Variants in ZFHX3 observed in about 807,000 individuals in gnomAD.
ZFHX3 encodes the protein zinc finger homeobox 3.
A neutral mutation model predicts 279.1 loss-of-function variants in ZFHX3; 42 were observed. That is an observed-to-expected ratio of 0.15 (90% CI 0.12 to 0.19). The LOEUF (loss-of-function observed/expected upper bound fraction) is 0.19, where lower values mean the gene tolerates loss of function less well. Among genes scored for constraint, ZFHX3 ranks in the 10% least tolerant of loss-of-function variants. The probability of loss-of-function intolerance (pLI) is 1.00; values close to 1 mark genes in which losing one functional copy is unlikely to be tolerated. For missense variants in ZFHX3, 4,981 were observed against 4,754.0 expected (o/e 1.05, Z -1.40); for synonymous variants, 2,293 against 1,957.8 (o/e 1.17, Z -4.52).
intron 4 of ZFHX3, among the ~76,000 whole-genome samples, chr16:72,841,677 TG>T (rs2037349216): frequency 6.6e-6 from 1 of 152,222 alleles, no homozygotes; most frequent in African/African-American, 2.4e-5. Flanking sequence ...TAAACTGCCC[TG>T]TAGACTCAGC....
intron 1 of ZFHX3, among the ~76,000 whole-genome samples, chr16:72,968,460 CT>C (rs56294114): frequency 0.38 from 47,153 of 122,866 alleles, 6,743 homozygotes; most frequent in South Asian, 0.46. Context: ...TGTTAATTTC[CT>C]TTTTTTTTTT....
At chr16:73,566,644 C>G (rs1049970008) in intron 2 of ZFHX3, among the ~76,000 whole-genome samples, 17 of 151,460 alleles carry the variant, frequency 1.1e-4, no homozygotes, top group Admixed American at 9.2e-4. Context: ...CCTCAGCTTC[C>G]TGAGTAGCTG....
chr16:72,921,448 C>G (rs1374555409), intron 3 of ZFHX3, among the ~76,000 whole-genome samples: 1 of 152,186 alleles, frequency 6.6e-6, no homozygotes. Flanking sequence ...GAAGACGGCG[C>G]AATGCAAAAG....
rs185920753 is a variant in ZFHX3, at chr16:72,786,508, A to G, written c.*656T>C. ...TATCCTTAAAAATCCCCAGAAAGCT[A>G]AAGCAGTTCACATTGTTTTTCTTGA... On this transcript the variant is annotated 3_prime_UTR_variant, in exon 10 of 10. Coordinates refer to ENST00000268489, the MANE Select transcript of ZFHX3 (RefSeq NM_006885.4). 6.6e-6 allele frequency: 1 copy of G among 150,812 alleles called. No individual in the cohort carries two copies. Among genetic ancestry groups the G allele is most frequent in the Non-Finnish European group, 1.5e-5 (1 of 67,710 alleles). 9.3% of individuals were successfully genotyped at this position (150,812 alleles called of 1,614,324 possible).
intron 1 of ZFHX3, among the ~76,000 whole-genome samples, chr16:73,719,685 A>G (rs1356912780): frequency 6.6e-6 from 1 of 151,928 alleles, no homozygotes; most frequent in Non-Finnish European, 1.5e-5. Context: ...GGTGGAGTGC[A>G]ATGGGTGGCG....
chr16:73,530,363 A>C (rs1419371824), intron 2 of ZFHX3, among the ~76,000 whole-genome samples: 2 of 152,150 alleles, frequency 1.3e-5, no homozygotes, highest in Non-Finnish European at 2.9e-5. Flanking sequence ...ACAGCCAAAC[A>C]ATATGGGAAC....
intron 8 of ZFHX3, among the ~76,000 whole-genome samples, chr16:73,070,588 G>C (rs1013115135): frequency 6.6e-6 from 1 of 152,196 alleles, no homozygotes; most frequent in African/African-American, 2.4e-5. Context: ...AGAGAGGAAA[G>C]GGTGAAGCGG....
chr16:73,105,364 T>TATAC (rs765197468), intron 7 of ZFHX3, among the ~76,000 whole-genome samples: 85 of 76,928 alleles, frequency 1.1e-3, no homozygotes, highest in African/African-American at 4.5e-3. Context: ...CACATATATA[T>TATAC]ACACACATAT....
chr16:73,383,819 C>T (rs1204382551), intron 3 of ZFHX3, among the ~76,000 whole-genome samples: 1 of 152,186 alleles, frequency 6.6e-6, no homozygotes, highest in Non-Finnish European at 1.5e-5. Flanking sequence ...ACCCTGCTTG[C>T]CAACGATGCT....
At chr16:73,260,769 G>A (rs2013802472) in intron 4 of ZFHX3, among the ~76,000 whole-genome samples, 1 of 129,920 alleles carries the variant, frequency 7.7e-6, no homozygotes, top group South Asian at 2.7e-4. Flanking sequence ...TGCAACCTCC[G>A]CCTCCCGGGT....
At chr16:73,257,711 G>A (rs1286919124) in intron 4 of ZFHX3, among the ~76,000 whole-genome samples, 1 of 152,188 alleles carries the variant, frequency 6.6e-6, no homozygotes, top group Non-Finnish European at 1.5e-5. Context: ...TTTACCCAAT[G>A]TGAAACTGAT....
At position 73,723,888 on chromosome 16, in the gene ZFHX3, T is replaced by C. The variant is rs541574514; in HGVS notation, c.-1607-43648A>G. The stretch of plus-strand genomic sequence containing the variant: ...GAAGAGGATGAAACCCAGGACACCC[T>C]GATTATTTAAGCATTGAAGAAAACA... On this transcript the variant is annotated intron_variant, in intron 1 of 17. Transcript: ENST00000641206. Among the ~76,000 whole-genome samples, 8 of 152,304 alleles carry C rather than the reference T, an allele frequency of 5.3e-5. No homozygotes were observed. The South Asian group carries it at 1.7e-3, about 32-fold the overall frequency.
chr16:73,574,416 G>C (rs1337401927), intron 2 of ZFHX3, among the ~76,000 whole-genome samples: 1 of 152,132 alleles, frequency 6.6e-6, no homozygotes, highest in Admixed American at 6.5e-5. Context: ...ATATACCTTA[G>C]TTTGGAAGCC....
intron 1 of ZFHX3, among the ~76,000 whole-genome samples, chr16:73,850,210 A>C (rs1033994049): frequency 2.0e-5 from 3 of 152,382 alleles, no homozygotes; most frequent in Non-Finnish European, 2.9e-5. Context: ...TTTTGAAGTC[A>C]AATGACATCT....
intron 7 of ZFHX3, among the ~76,000 whole-genome samples, chr16:73,108,109 C>T (rs1389985248): frequency 3.3e-5 from 5 of 151,972 alleles, no homozygotes; most frequent in Admixed American, 2.0e-4. Flanking sequence ...TGCAGTGAGC[C>T]GAGATTGTGC....
At chr16:72,888,987 G>A (rs2038699704) in intron 4 of ZFHX3, among the ~76,000 whole-genome samples, 1 of 150,396 alleles carries the variant, frequency 6.6e-6, no homozygotes, top group African/African-American at 2.4e-5. Context: ...CAAGAGACTG[G>A]AAAATTGAAA....
At chr16:72,976,174 C>T (rs746646261) in intron 1 of ZFHX3, among the ~76,000 whole-genome samples, 1 of 152,264 alleles carries the variant, frequency 6.6e-6, no homozygotes, top group Non-Finnish European at 1.5e-5. Flanking sequence ...TCTGAAGCTG[C>T]ACCCTCTCTC....
intron 1 of ZFHX3, among the ~76,000 whole-genome samples, chr16:73,860,512 G>A (rs923881941): frequency 6.6e-6 from 1 of 151,910 alleles, no homozygotes; most frequent in African/African-American, 2.4e-5. Context: ...AATGACTTTG[G>A]TCTCCAACAT....
chr16:73,234,508 T>C lies in ZFHX3; in HGVS notation c.-1104+22539A>G, dbSNP rs2012881771. The stretch of plus-strand genomic sequence containing the variant: ...TTCAAGGGGCTGTAATGAAAACAAA[T>C]GATCCTCTTTAAACCTCATGATGGC... On this transcript the variant is annotated intron_variant, in intron 5 of 17. Transcript: ENST00000641206. Among the ~76,000 whole-genome samples, 3 of 152,172 alleles carry C rather than the reference T, an allele frequency of 2.0e-5. No homozygotes were observed. In the South Asian group the frequency reaches 6.2e-4, roughly 32 times the overall value.
Sources: gnomAD v4.1 joint callset for allele counts (sites outside exome capture counted in the v4.1 genomes callset) on GRCh38, gnomAD v4.1.1 for gene constraint, MANE v1.5 for transcripts, NCBI Gene and HGNC (gene_info 2026-07-23, HGNC 2026-07-21) for gene names.